The following HHATL variants were observed in gnomAD, a reference collection of about 807,000 sequenced individuals.
The protein encoded by HHATL is hedgehog acyltransferase like.
HHATL carries 49 observed loss-of-function variants against 59.7 expected under a neutral mutation model. The observed-to-expected ratio is 0.82, with a 90% CI of 0.65 to 1.04. The LOEUF is 1.04. Ranked by LOEUF, HHATL falls within the 50% of genes least tolerant of loss-of-function variation. The probability of loss-of-function intolerance (pLI) is 0.00; values close to 1 mark genes in which losing one functional copy is unlikely to be tolerated. For synonymous variants in HHATL, 238 were observed against 257.3 expected (o/e 0.93, Z 0.72); for missense variants, 605 against 650.8 (o/e 0.93, Z 0.77).
At chr3:42,693,500 G>C in intron 10 of HHATL, 117 bp downstream of exon 10, 1 of 901,484 alleles carries the variant, frequency 1.1e-6, no homozygotes, top group Non-Finnish European at 1.7e-6. Context: ...AACTAAGAGG[G>C]TGGTGGTGAG....
rs750726872 is a variant in HHATL, at chr3:42,699,750, G to A, written c.174+8C>T. ...GATGGGAGGGACCCTGGGATGTGGG[G>A]GACCTACCATCTTCCGGCCAATGTA... is the stretch of plus-strand genomic sequence containing the variant. On this transcript the variant is annotated splice_region_variant and intron_variant, in intron 3 of 11. Coordinates refer to ENST00000441594, the MANE Select transcript of HHATL (RefSeq NM_020707.4). 1.3e-6 allele frequency: 2 copies of A among 1,575,924 alleles called. No homozygotes were observed. The highest frequency in any genetic ancestry group is 1.4e-5 in the African/African-American group (1 of 73,998).
At chr3:42,694,401 G>A (rs909471904) in intron 9 of HHATL, among the ~76,000 whole-genome samples, 1 of 152,118 alleles carries the variant, frequency 6.6e-6, no homozygotes, top group Non-Finnish European at 1.5e-5. Flanking sequence ...ATAAATTATT[G>A]CAAGAGCCTC....
rs1039140189 is a variant in HHATL at position 42,694,054 on chromosome 3, C to T, written c.1047-236G>A. The T allele has an allele frequency of 3.4e-4, 195 of 565,604 alleles. 1 individual carries two copies. The highest frequency in any genetic ancestry group is 5.2e-4 in the Admixed American group (17 of 32,778). 35.0% of individuals were successfully genotyped at this position (565,604 alleles called of 1,614,324 possible). On this transcript the variant is annotated intron_variant, in intron 9 of 11. Transcript: ENST00000441594. ...ACTTCCCAAATGATCTCATCCAGACCCAAGATTTCAAGTACTAGCTCTATG... is the reference window on the plus strand; with the variant it reads ...ACTTCCCAAATGATCTCATCCAGACTCAAGATTTCAAGTACTAGCTCTATG...
intron 1 of HHATL, among the ~76,000 whole-genome samples, 182 bp downstream of exon 1, chr3:42,702,397 T>A (rs1387449210): frequency 6.6e-6 from 1 of 152,198 alleles, no homozygotes; most frequent in Non-Finnish European, 1.5e-5. Flanking sequence ...CCTCTCCTGA[T>A]AGACCCCCAG....
Position 42,701,313 on chromosome 3 carries a change from C to A in HHATL, c.-13-474G>T. 1 of 154,776 alleles carries A rather than the reference C, an allele frequency of 6.5e-6. No individual in the cohort carries two copies. The highest frequency in any genetic ancestry group is 6.4e-5 in the Admixed American group (1 of 15,520). The allele number at this position is 154,776 out of a possible 1,614,324, so 9.6% of individuals were successfully genotyped here. A position where few individuals can be genotyped will look rare whatever the true frequency, so the allele number is the denominator to read the frequency against. On this transcript the variant is annotated intron_variant, in intron 1 of 11. Transcript: ENST00000441594. The surrounding 1 kb of genome is among the most constrained non-coding windows in gnomAD (Gnocchi z 5.1). ...CCCCAGCTTCTCTAAGACCCTTTCT[C>A]TGACTCCCACTCCCCTCCCTGAGAT... is the stretch of plus-strand genomic sequence containing the variant.
At chr3:42,700,867 TAC>T in intron 1 of HHATL, 28 bp from the exon 2 acceptor site, 1 of 1,503,670 alleles carries the variant, frequency 6.7e-7, no homozygotes, top group Non-Finnish European at 9.2e-7. Context: ...GTGAGGGAAT[TAC>T]AGTCTCCAGC....
chr3:42,699,205 G>T, intron 3 of HHATL, 60 bp from the exon 4 acceptor site: 3 of 1,211,660 alleles, frequency 2.5e-6, no homozygotes, highest in East Asian at 2.3e-5. Context: ...GGGACAGGAC[G>T]AGCTGGAACC....
intron 9 of HHATL, 126 bp downstream of exon 9, chr3:42,696,716 C>T: frequency 2.0e-6 from 2 of 999,710 alleles, no homozygotes; most frequent in African/African-American, 1.6e-5. Context: ...GCCAATACCT[C>T]CTCACTGCCC....
intron 2 of HHATL, 145 bp from the exon 3 acceptor site, chr3:42,699,970 C>G: frequency 1.5e-6 from 1 of 650,066 alleles, no homozygotes; most frequent in Non-Finnish European, 2.8e-6. Flanking sequence ...GCATCTGCTT[C>G]TTTCTGGGTC....
At chr3:42,695,749 C>T (rs66665035) in intron 9 of HHATL, among the ~76,000 whole-genome samples, 19,673 of 152,126 alleles carry the variant, frequency 0.13, 1,406 homozygotes, top group South Asian at 0.24. Context: ...TCTACATTAA[C>T]CTGCTTTCCT....
Position 42,693,117 on chromosome 3 carries a change from G to A in HHATL, c.1350C>T (p.Leu450=). 6.2e-7 allele frequency: 1 copy of A among 1,614,186 alleles called. No homozygotes were observed. The highest frequency in any genetic ancestry group is 1.3e-5 in the African/African-American group (1 of 75,040). The part of the protein sequence containing the change: ...IMYNLVSLNS[L]KFTELVARRL... ...GCCGGGCAACCAGCTCTGTGAATTT[G>A]AGGCTGTTCAGGCTCACAAGGTTGT... The change falls in exon 11 of 12, where the codon CTC becomes CTT. Residue 450 remains leucine (L), a synonymous_variant. Transcript: ENST00000441594.
At chr3:42,698,630 T>C in intron 5 of HHATL, 78 bp downstream of exon 5, 2 of 1,462,846 alleles carry the variant, frequency 1.4e-6, no homozygotes, top group Non-Finnish European at 1.8e-6. Flanking sequence ...TGGGGATACT[T>C]GGGGTGCAAG....
chr3:42,698,140 A>G lies in HHATL; in HGVS notation c.693+2T>C, dbSNP rs778530313. ...CTAGAAGCCCACAGGGTGTCCCCTC[A>G]CCTGAGCATGGAAGCGATCAAAGGT... On this transcript the variant is annotated splice_donor_variant, in intron 6 of 11. Coordinates refer to ENST00000441594, the MANE Select transcript of HHATL (RefSeq NM_020707.4). LOFTEE classifies it high-confidence loss of function. 2.5e-6 allele frequency: 4 copies of G among 1,613,888 alleles called. No homozygotes were observed. The highest frequency in any genetic ancestry group is 3.4e-6 in the Non-Finnish European group (4 of 1,179,848).
At position 42,693,179 on chromosome 3, in the gene HHATL, G is replaced by C; in HGVS notation, c.1288C>G (p.Leu430Val). 6.2e-7 allele frequency: 1 copy of C among 1,614,190 alleles called. No homozygotes were observed. Among genetic ancestry groups the C allele is most frequent in the Non-Finnish European group, 8.5e-7 (1 of 1,180,034 alleles). Residue 430 changes from leucine (L) to valine (V), a missense_variant, in exon 11 of 12, where the codon CTG (leucine) becomes GTG (valine). Transcript: ENST00000441594. The stretch of plus-strand genomic sequence containing the variant: ...GCCCAGAAGTTCATGGCTCCAAACA[G>C]GGCCCGGACCCTACGGGACATCTGC... ...SVQMSRRVRA[L>V]FGAMNFWAII...
At position 42,701,575 on chromosome 3, in the gene HHATL, T is replaced by TGGGGCCAGGA. The variant is rs1697991296; in HGVS notation, c.-13-737_-13-736insTCCTGGCCCC. On this transcript the variant is annotated intron_variant, in intron 1 of 11. Transcript: ENST00000441594. This position sits in a 1 kb window ranked among gnomAD's most constrained non-coding sequence, Gnocchi z 5.1. Reference sequence around the variant, plus strand: ...AGGAGGTGCCCAGGAGTAGCGGATGTGGGGCCAGGCGGGGCCAGGCGGGGC... The same window carrying TGGGGCCAGGA: ...AGGAGGTGCCCAGGAGTAGCGGATGTGGGGCCAGGAGGGGCCAGGCGGGGCCAGGCGGGGC... 6.6e-6 allele frequency: 1 copy of TGGGGCCAGGA among 152,510 alleles called. No individual in the cohort carries two copies. Among genetic ancestry groups the TGGGGCCAGGA allele is most frequent in the East Asian group, 1.9e-4 (1 of 5,154 alleles). 9.4% of individuals were successfully genotyped at this position (152,510 alleles called of 1,614,324 possible). A position where few individuals can be genotyped will look rare whatever the true frequency, so the allele number is the denominator to read the frequency against.
rs544398778 is a variant in HHATL at position 42,701,088 on chromosome 3, T to G, written c.-13-249A>C. The G allele has an allele frequency of 1.5e-3, 695 of 478,728 alleles. 12 individuals are homozygous for G. The highest frequency in any genetic ancestry group is 5.8e-4 in the East Asian group (18 of 31,000). 29.7% of individuals were successfully genotyped at this position (478,728 alleles called of 1,614,324 possible). A position where few individuals can be genotyped will look rare whatever the true frequency, so the allele number is the denominator to read the frequency against. The stretch of plus-strand genomic sequence containing the variant: ...ATCAAGGCTCTTGCCCGCAGAGCCC[T>G]CACTCGCAGCCTGCCTCCCTCACCT... On this transcript the variant is annotated intron_variant, in intron 1 of 11. Transcript: ENST00000441594. This position sits in a 1 kb window ranked among gnomAD's most constrained non-coding sequence, Gnocchi z 5.1.
chr3:42,698,459 C>A, intron 5 of HHATL, 108 bp from the exon 6 acceptor site: 1 of 1,082,722 alleles, frequency 9.2e-7, no homozygotes. Flanking sequence ...GGTCCTGTCC[C>A]TTCCTCTCTT....
chr3:42,699,158 G>T lies in HHATL; in HGVS notation c.175-13C>A. 1.2e-6 allele frequency: 2 copies of T among 1,604,024 alleles called. No homozygotes were observed. Among genetic ancestry groups the T allele is most frequent in the Non-Finnish European group, 8.5e-7 (1 of 1,170,818 alleles). The stretch of plus-strand genomic sequence containing the variant: ...AGTCAGCCACATCCTGGGGCAGTCC[G>T]GGGCAGAAGGAGGTGGGGCAGGTGA... On this transcript the variant is annotated splice_polypyrimidine_tract_variant and intron_variant, in intron 3 of 11. Coordinates refer to ENST00000441594, the MANE Select transcript of HHATL (RefSeq NM_020707.4).
chr3:42,697,172 G>A (rs1358033726), intron 7 of HHATL, 27 bp from the exon 8 acceptor site: 2 of 1,511,752 alleles, frequency 1.3e-6, no homozygotes, highest in African/African-American at 2.8e-5. Context: ...GTCACTGCCT[G>A]GGGTCCAATC....
Sources: allele counts gnomAD v4.1 joint callset (sites outside exome capture counted in the v4.1 genomes callset), GRCh38; gene constraint gnomAD v4.1.1; non-coding constraint Gnocchi (gnomAD v3.1); transcripts MANE v1.5; gene names NCBI Gene and HGNC (gene_info 2026-07-23, HGNC 2026-07-21).